Variants in VIPAS39 observed in about 807,000 individuals in gnomAD.
VIPAS39 encodes the protein spermatogenesis-defective protein 39 homolog.
VIPAS39 carries 63 observed loss-of-function variants against 84.7 expected under a neutral mutation model. The observed-to-expected ratio is 0.74, with a 90% CI of 0.61 to 0.92. The LOEUF (loss-of-function observed/expected upper bound fraction) is 0.92, where lower values mean the gene tolerates loss of function less well. Among genes scored for constraint, VIPAS39 ranks in the 40% least tolerant of loss-of-function variants. The pLI is 0.00. For missense variants in VIPAS39, 499 were observed against 604.5 expected, an observed-to-expected ratio of 0.83 and a Z score of 1.83; for synonymous variants, 192 against 216.5, an observed-to-expected ratio of 0.89 and a Z score of 0.99.
At chr14:77,433,710 A>C (rs1218474794) in intron 16 of VIPAS39, 132 bp downstream of exon 16, 5 of 760,646 alleles carry the variant, frequency 6.6e-6, no homozygotes, top group Non-Finnish European at 8.5e-6. Context: ...CATTCTTTCA[A>C]CTTTTCTTTA....
intron 11 of VIPAS39, chr14:77,440,617 G>C (rs2078686649): frequency 6.0e-6 from 1 of 166,178 alleles, no homozygotes; most frequent in Non-Finnish European, 1.3e-5. Flanking sequence ...ACATCATTTG[G>C]ATTAAGTTTT....
intron 10 of VIPAS39, 93 bp from the exon 11 acceptor site, chr14:77,441,186 C>T (rs552201426): frequency 2.2e-6 from 3 of 1,383,004 alleles, no homozygotes; most frequent in African/African-American, 2.8e-5. Context: ...AGGAGAAACA[C>T]AATTCAAACT....
chr14:77,428,028 T>C (rs1298035452), intron 19 of VIPAS39, among the ~76,000 whole-genome samples: 1 of 152,162 alleles, frequency 6.6e-6, no homozygotes, highest in Non-Finnish European at 1.5e-5. Context: ...GTAGGTCCCA[T>C]CCATCCCCAC....
chr14:77,438,888 A>C (rs542321330), intron 11 of VIPAS39, among the ~76,000 whole-genome samples: 19 of 152,348 alleles, frequency 1.2e-4, no homozygotes, highest in African/African-American at 4.6e-4. Flanking sequence ...TGTATATAAA[A>C]ATGTAAATGT....
At chr14:77,443,259 G>T in intron 8 of VIPAS39, 107 bp from the exon 9 acceptor site, 1 of 1,326,770 alleles carries the variant, frequency 7.5e-7, no homozygotes, top group Non-Finnish European at 1.1e-6. Context: ...TGAAGGTATA[G>T]CCAACAGCTC....
chr14:77,455,748 C>T (rs1594931999), intron 1 of VIPAS39, among the ~76,000 whole-genome samples: 1 of 152,322 alleles, frequency 6.6e-6, no homozygotes, highest in Non-Finnish European at 1.5e-5. Context: ...ACTGTTACTT[C>T]CTGACTTTGT....
At chr14:77,446,348 G>A (rs1227002457) in intron 7 of VIPAS39, among the ~76,000 whole-genome samples, 1 of 152,036 alleles carries the variant, frequency 6.6e-6, no homozygotes, top group East Asian at 1.9e-4. Context: ...CTCTCGCCCA[G>A]GTTGGAGTGC....
intron 7 of VIPAS39, among the ~76,000 whole-genome samples, chr14:77,445,449 G>T (rs1308736413): frequency 1.3e-5 from 2 of 151,970 alleles, no homozygotes; most frequent in Non-Finnish European, 2.9e-5. Context: ...CTGAGACAGG[G>T]TCTCACTGTA....
chr14:77,434,610 T>G (rs1326258411), intron 14 of VIPAS39, among the ~76,000 whole-genome samples: 4 of 151,436 alleles, frequency 2.6e-5, no homozygotes, highest in Non-Finnish European at 4.4e-5. Flanking sequence ...AAAAAAAGAG[T>G]AGCCAGGCGC....
chr14:77,443,642 C>T (rs1234421758), intron 8 of VIPAS39, among the ~76,000 whole-genome samples: 1 of 152,036 alleles, frequency 6.6e-6, no homozygotes, highest in Non-Finnish European at 1.5e-5. Context: ...CGCCTATAAT[C>T]CCAGCTCTTT....
intron 19 of VIPAS39, 68 bp downstream of exon 19, chr14:77,428,302 C>A (rs1382470264): frequency 1.4e-6 from 2 of 1,414,156 alleles, no homozygotes; most frequent in Non-Finnish European, 2.0e-6. Flanking sequence ...TGGGAACATA[C>A]ATTTGGTACT....
chr14:77,443,185 T>C lies in VIPAS39; in HGVS notation c.598-33A>G, dbSNP rs774099739. 3 of 1,613,876 alleles carry C rather than the reference T, an allele frequency of 1.9e-6. No individual in the cohort carries two copies. In the African/African-American group the frequency reaches 4.0e-5, roughly 22 times the overall value. On this transcript the variant is annotated intron_variant, in intron 8 of 19. Transcript: ENST00000557658. ...AAAAAAGAACAAAGACTGTGCAAAC[T>C]TTCCAACACAGAGTCATGCCCTGAG...
chr14:77,439,265 T>C (rs908717993), intron 11 of VIPAS39, among the ~76,000 whole-genome samples: 1 of 152,156 alleles, frequency 6.6e-6, no homozygotes. Flanking sequence ...AAAAATGAGT[T>C]ACCCAAAACA....
intron 9 of VIPAS39, 139 bp from the exon 10 acceptor site, chr14:77,442,801 T>A: frequency 1.2e-6 from 1 of 844,748 alleles, no homozygotes; most frequent in Non-Finnish European, 2.0e-6. Context: ...CCCTATGTCT[T>A]AATTCACCAT....
intron 7 of VIPAS39, among the ~76,000 whole-genome samples, chr14:77,444,860 G>C (rs12885869): frequency 0.43 from 64,770 of 151,920 alleles, 16,592 homozygotes; most frequent in East Asian, 0.93. Flanking sequence ...GGGATTACAG[G>C]CATGAGCCAC....
At position 77,448,562 on chromosome 14, in the gene VIPAS39, G is replaced by C. The variant is rs777752027; in HGVS notation, c.448-12C>G. On this transcript the variant is annotated splice_polypyrimidine_tract_variant and intron_variant, in intron 6 of 19. Transcript: ENST00000557658. ...TCATTGCTGTAATCCTGGAATATTA[G>C]CAATACGTGAATCCCAGGAAGTTAA... 6 of 1,613,994 alleles carry C rather than the reference G, an allele frequency of 3.7e-6. No homozygotes were observed. Among genetic ancestry groups the C allele is most frequent in the Non-Finnish European group, 5.1e-6 (6 of 1,179,904 alleles).
In VIPAS39 at chr14:77,451,583, CT is replaced by C. The variant is rs376834498; in HGVS notation, c.197-251del. 5.0e-3 allele frequency among the ~76,000 whole-genome samples: 763 copies of C among 152,130 alleles called. 8 individuals are homozygous for C. Among genetic ancestry groups the C allele is most frequent in the African/African-American group, 0.017 (725 of 41,502 alleles). Reference sequence around the variant, plus strand: ...GATGCTCAACCTTACTCTTTTTTCTCTTTTTTTCTTTTTTTTTAGAGACAGG... The same window carrying C: ...GATGCTCAACCTTACTCTTTTTTCTCTTTTTTCTTTTTTTTTAGAGACAGG... On this transcript the variant is annotated intron_variant, in intron 3 of 19. Coordinates refer to ENST00000557658, the MANE Select transcript of VIPAS39 (RefSeq NM_001193315.2).
At chr14:77,433,768 G>T (rs2139762929) in intron 16 of VIPAS39, 74 bp downstream of exon 16, 1 of 1,465,110 alleles carries the variant, frequency 6.8e-7, no homozygotes, top group Non-Finnish European at 9.4e-7. Flanking sequence ...ATGTAAACCG[G>T]TAACTAGAAC....
At chr14:77,443,487 G>A (rs1484652235) in intron 8 of VIPAS39, among the ~76,000 whole-genome samples, 1 of 152,196 alleles carries the variant, frequency 6.6e-6, no homozygotes, top group Non-Finnish European at 1.5e-5. Flanking sequence ...GGTGACTCAT[G>A]CCCATAATTC....
Sources: gnomAD v4.1 joint callset for allele counts (sites outside exome capture counted in the v4.1 genomes callset) on GRCh38, gnomAD v4.1.1 for gene constraint, MANE v1.5 for transcripts, NCBI Gene and HGNC (gene_info 2026-07-23, HGNC 2026-07-21) for gene names.